MOCS2: variants seen among roughly 807,000 people sequenced by gnomAD.
MOCS2 encodes the protein molybdopterin synthase catalytic subunit.
In MOCS2, 13 loss-of-function variants were observed where a neutral mutation model predicts 21.9. That is an observed-to-expected ratio of 0.59 (90% CI 0.39 to 0.94). The LOEUF (loss-of-function observed/expected upper bound fraction) is 0.94. Ranked by LOEUF, MOCS2 falls within the 40% of genes least tolerant of loss-of-function variation. The pLI is 0.00. For missense variants in MOCS2, 227 were observed against 218.3 expected (o/e 1.04, Z -0.25); for synonymous variants, 92 against 80.8 (o/e 1.14, Z -0.74).
rs554491390 is a variant in MOCS2 at position 53,109,711 on chromosome 5, C to T, written c.-630G>A. 2 of 1,553,016 alleles carry T rather than the reference C, an allele frequency of 1.3e-6. No individual in the cohort carries two copies. The highest frequency in any genetic ancestry group is 1.4e-5 in the African/African-American group (1 of 73,060). Reference sequence around the variant, plus strand: ...CCCGCACGCACACCCGCCACCCTTACCTGGCACAGCGGCACCATCCCGCCT... The same window carrying T: ...CCCGCACGCACACCCGCCACCCTTATCTGGCACAGCGGCACCATCCCGCCT... On this transcript the variant is annotated 5_prime_UTR_variant, in exon 1 of 7. Coordinates refer to ENST00000396954, the MANE Select transcript of MOCS2 (RefSeq NM_004531.5).
intron 1 of MOCS2, 120 bp downstream of exon 1, chr5:53,109,131 A>T: frequency 4.2e-6 from 1 of 238,154 alleles, no homozygotes; most frequent in Non-Finnish European, 6.9e-6. Context: ...TATGCAACAT[A>T]GTAAATCTGA....
rs929336983 is a variant in MOCS2 at position 53,098,142 on chromosome 5, A to C, written c.*460T>G. ...AAATGTATAATATCAAGACTGTCTG[A>C]TAATGCTTTTTTAATACTTTCCAGT... On this transcript the variant is annotated 3_prime_UTR_variant, in exon 7 of 7. Coordinates refer to ENST00000396954, the MANE Select transcript of MOCS2 (RefSeq NM_004531.5). 9 of 161,506 alleles carry C rather than the reference A, an allele frequency of 5.6e-5. No homozygotes were observed. Among genetic ancestry groups the C allele is most frequent in the Non-Finnish European group, 1.1e-4 (8 of 73,186 alleles). The allele number at this position is 161,506 out of a possible 1,614,324, so 10.0% of individuals were successfully genotyped here.
At chr5:53,104,722 T>C (rs1006920067) in intron 3 of MOCS2, among the ~76,000 whole-genome samples, 1 of 152,036 alleles carries the variant, frequency 6.6e-6, no homozygotes, top group Non-Finnish European at 1.5e-5. Context: ...GGGGAAAAAA[T>C]GGGTGAAAAA....
rs1561178003 is a variant in MOCS2, at chr5:53,108,587, G to T, written c.-113C>A. ...CTTTTATTTCTTGAGGCACAGAAAT[G>T]GTCTCTGAACGAACTCCTGTTATTT... On this transcript the variant is annotated 5_prime_UTR_variant, in exon 2 of 7. Coordinates refer to ENST00000396954, the MANE Select transcript of MOCS2 (RefSeq NM_004531.5). 1 of 1,613,106 alleles carries T rather than the reference G, an allele frequency of 6.2e-7. No individual in the cohort carries two copies. The highest frequency in any genetic ancestry group is 1.1e-5 in the South Asian group (1 of 91,032).
intron 6 of MOCS2, 26 bp downstream of exon 6, chr5:53,100,385 T>C (rs771585985): frequency 6.2e-7 from 1 of 1,613,284 alleles, no homozygotes; most frequent in Non-Finnish European, 8.5e-7. Flanking sequence ...GTCCACATGC[T>C]AAAATGTGTT....
chr5:53,106,797 A>C (rs2112090386), intron 3 of MOCS2, among the ~76,000 whole-genome samples: 1 of 152,260 alleles, frequency 6.6e-6, no homozygotes, highest in East Asian at 1.9e-4. Flanking sequence ...GGATATTAAT[A>C]TGTCACTGTG....
chr5:53,100,620 C>T lies in MOCS2; in HGVS notation c.378-86G>A, dbSNP rs1350069555. 2.1e-6 allele frequency: 3 copies of T among 1,399,756 alleles called. No individual in the cohort carries two copies. The South Asian group carries it at 3.6e-5, about 17-fold the overall frequency. 86.7% of individuals were successfully genotyped at this position (1,399,756 alleles called of 1,614,324 possible). A position where few individuals can be genotyped will look rare whatever the true frequency, so the allele number is the denominator to read the frequency against. ...TCTGCTAGACAGATGAAAAAAAATC[C>T]AGGTATGCAGTCTTAGAATTATACT... is the stretch of plus-strand genomic sequence containing the variant. On this transcript the variant is annotated intron_variant, in intron 5 of 6. Coordinates refer to ENST00000396954, the MANE Select transcript of MOCS2 (RefSeq NM_004531.5).
Position 53,108,603 on chromosome 5 carries a change from CCT to C in MOCS2, c.-131_-130del, listed in dbSNP as rs764311787. On this transcript the variant is annotated 5_prime_UTR_variant, in exon 2 of 7. Coordinates refer to ENST00000396954, the MANE Select transcript of MOCS2 (RefSeq NM_004531.5). ...CACAGAAATGGTCTCTGAACGAACTCCTGTTATTTCAGCACTTTTTGCAAAAT... is the reference window on the plus strand; with the variant it reads ...CACAGAAATGGTCTCTGAACGAACTCGTTATTTCAGCACTTTTTGCAAAAT... 5 of 1,613,390 alleles carry C rather than the reference CCT, an allele frequency of 3.1e-6. No homozygotes were observed. The highest frequency in any genetic ancestry group is 1.3e-5 in the African/African-American group (1 of 74,904).
intron 3 of MOCS2, 61 bp from the exon 4 acceptor site, chr5:53,102,285 T>G: frequency 6.8e-7 from 1 of 1,461,402 alleles, no homozygotes; most frequent in Non-Finnish European, 9.5e-7. Flanking sequence ...CTCAACAACT[T>G]ATAGGCTCTT....
At position 53,109,438 on chromosome 5, in the gene MOCS2, G is replaced by A. The variant is rs1235590830; in HGVS notation, c.-357C>T. The A allele has an allele frequency of 7.9e-7, 1 of 1,264,220 alleles. No individual in the cohort carries two copies. The highest frequency in any genetic ancestry group is 9.9e-7 in the Non-Finnish European group (1 of 1,005,530). The allele number at this position is 1,264,220 out of a possible 1,614,324, so 78.3% of individuals were successfully genotyped here. A position where few individuals can be genotyped will look rare whatever the true frequency, so the allele number is the denominator to read the frequency against. On this transcript the variant is annotated 5_prime_UTR_variant, in exon 1 of 7. Transcript: ENST00000396954. ...GAAAGAGGTGGTCATAAAAGGTGGA[G>A]GCGCCTTCAGAACGAGTCCGTCCTT...
At chr5:53,098,715 T>C (rs970089832) in intron 6 of MOCS2, 48 bp from the exon 7 acceptor site, 6 of 1,248,664 alleles carry the variant, frequency 4.8e-6, no homozygotes, top group Non-Finnish European at 5.9e-6. Context: ...CATTCTACTA[T>C]ACGAATATAA....
rs879252306 is a variant in MOCS2 at position 53,102,112 on chromosome 5, T to C, written c.211A>G (p.Ile71Val). Residue 71 changes from isoleucine (I) to valine (V), a missense_variant, in exon 4 of 7, where the codon ATA (isoleucine) becomes GTA (valine). Transcript: ENST00000396954. ...TACAACTCACCTACAAATAGGGATA[T>C]TGCACCACAGAGCGGAGAAATCACC... ...QLVISPLCGAISLFVGTTRNN... is the reference protein window; with the variant it reads ...QLVISPLCGAVSLFVGTTRNN... 3 of 1,613,808 alleles carry C rather than the reference T, an allele frequency of 1.9e-6. No individual in the cohort carries two copies. The South Asian group carries it at 3.3e-5, about 18-fold the overall frequency.
At chr5:53,102,439 C>T (rs1740939637) in intron 3 of MOCS2, among the ~76,000 whole-genome samples, 1 of 152,078 alleles carries the variant, frequency 6.6e-6, no homozygotes, top group African/African-American at 2.4e-5. Context: ...AGCACTCCCT[C>T]GGCCTTTGTT....
At position 53,098,238 on chromosome 5, in the gene MOCS2, T is replaced by G; in HGVS notation, c.*364A>C. The G allele has an allele frequency of 4.4e-6, 1 of 228,646 alleles. No individual in the cohort carries two copies. The allele number at this position is 228,646 out of a possible 1,614,324, so 14.2% of individuals were successfully genotyped here. A position where few individuals can be genotyped will look rare whatever the true frequency, so the allele number is the denominator to read the frequency against. ...AGAACCGGGATGGGGGGCGGTGAGG[T>G]GGGGTTGGTGGGGGAGTACGTTTCT... On this transcript the variant is annotated 3_prime_UTR_variant, in exon 7 of 7. Transcript: ENST00000396954.
Position 53,100,790 on chromosome 5 carries a change from C to T in MOCS2, c.378-256G>A. The T allele has an allele frequency of 6.5e-6, 3 of 460,356 alleles. No individual in the cohort carries two copies. In the South Asian group the frequency reaches 6.5e-5, roughly 10 times the overall value. 28.5% of individuals were successfully genotyped at this position (460,356 alleles called of 1,614,324 possible). On this transcript the variant is annotated intron_variant, in intron 5 of 6. Coordinates refer to ENST00000396954, the MANE Select transcript of MOCS2 (RefSeq NM_004531.5). Reference sequence around the variant, plus strand: ...CCTCCTGATGGGCACCAAGGAAAATCCTTTCATTGATAGAGCAAACATCTG... The same window carrying T: ...CCTCCTGATGGGCACCAAGGAAAATTCTTTCATTGATAGAGCAAACATCTG...
In MOCS2 at chr5:53,098,404, T is replaced by C. The variant is rs917323255; in HGVS notation, c.*198A>G. ...TTCCATTTCTTCCTACAGTCCTCCT[T>C]CTATCTTTAGTTCCATTTTAAATAA... On this transcript the variant is annotated 3_prime_UTR_variant, in exon 7 of 7. Transcript: ENST00000396954. The C allele has an allele frequency of 1.2e-5, 7 of 603,690 alleles. No individual in the cohort carries two copies. The highest frequency in any genetic ancestry group is 9.3e-5 in the African/African-American group (5 of 53,858). 37.4% of individuals were successfully genotyped at this position (603,690 alleles called of 1,614,324 possible).
At position 53,101,345 on chromosome 5, in the gene MOCS2, AAAGG is replaced by A; in HGVS notation, c.377+10_377+13del. The A allele has an allele frequency of 1.2e-6, 2 of 1,613,024 alleles. No individual in the cohort carries two copies. Among genetic ancestry groups the A allele is most frequent in the Non-Finnish European group, 1.7e-6 (2 of 1,179,228 alleles). ...AATTACACTTAACTTTTAGAGTGATAAAGGAAATCATACCCAAGTCTATGGAACA... is the reference window on the plus strand; with the variant it reads ...AATTACACTTAACTTTTAGAGTGATAAAATCATACCCAAGTCTATGGAACA... On this transcript the variant is annotated intron_variant, in intron 5 of 6. Coordinates refer to ENST00000396954, the MANE Select transcript of MOCS2 (RefSeq NM_004531.5).
In MOCS2 at chr5:53,098,204, T is replaced by TGCTCTCCCA. The variant is rs1337301092; in HGVS notation, c.*389_*397dup. ...TCCTGTCATGCATCCTTAATAACAA[T>TGCTCTCCCA]GCTCTCCCAGAACCGGGATGGGGGG... On this transcript the variant is annotated 3_prime_UTR_variant, in exon 7 of 7. Transcript: ENST00000396954. The TGCTCTCCCA allele has an allele frequency of 1.2e-4, 24 of 206,696 alleles. No individual in the cohort carries two copies. The East Asian group carries it at 2.3e-3, about 20-fold the overall frequency. 12.8% of individuals were successfully genotyped at this position (206,696 alleles called of 1,614,324 possible).
rs1372313111 is a variant in MOCS2 at position 53,109,554 on chromosome 5, C to A, written c.-473G>T. The A allele has an allele frequency of 1.1e-6, 1 of 942,874 alleles. No individual in the cohort carries two copies. The highest frequency in any genetic ancestry group is 1.5e-6 in the Non-Finnish European group (1 of 686,766). The allele number at this position is 942,874 out of a possible 1,614,324, so 58.4% of individuals were successfully genotyped here. On this transcript the variant is annotated 5_prime_UTR_variant, in exon 1 of 7. Coordinates refer to ENST00000396954, the MANE Select transcript of MOCS2 (RefSeq NM_004531.5). Reference sequence around the variant, plus strand: ...CCCGGAGACAGGAAGGGCCCGGGGGCGGGGGCGGGGGCGCCCCCGAACCCA... The same window carrying A: ...CCCGGAGACAGGAAGGGCCCGGGGGAGGGGGCGGGGGCGCCCCCGAACCCA...
Sources: allele counts gnomAD v4.1 joint callset (sites outside exome capture counted in the v4.1 genomes callset), GRCh38; gene constraint gnomAD v4.1.1; transcripts MANE v1.5; gene names NCBI Gene and HGNC (gene_info 2026-07-23, HGNC 2026-07-21).